Variants in NDUFA10 observed in about 807,000 individuals in gnomAD.
The protein encoded by NDUFA10 is NADH dehydrogenase [ubiquinone] 1 alpha subcomplex subunit 10, mitochondrial.
NDUFA10 carries 40 observed loss-of-function variants against 47.8 expected under a neutral mutation model. The ratio of observed to expected loss-of-function variants is 0.84; its 90% CI spans 0.65 to 1.09. The LOEUF (loss-of-function observed/expected upper bound fraction) is 1.09, where lower values mean the gene tolerates loss of function less well. Ranked by LOEUF, NDUFA10 falls within the 50% of genes least tolerant of loss-of-function variation. NDUFA10 has a pLI of 0.00. For synonymous variants in NDUFA10, 183 were observed against 172.2 expected, an observed-to-expected ratio of 1.06 and a Z score of -0.49; for missense variants, 413 against 451.1, an observed-to-expected ratio of 0.92 and a Z score of 0.76.
chr2:239,951,336 G>A (rs1694548494), intron 4 of NDUFA10, among the ~76,000 whole-genome samples: 1 of 152,258 alleles, frequency 6.6e-6, no homozygotes, highest in Non-Finnish European at 1.5e-5. Flanking sequence ...GTGGGTTACA[G>A]AGGACAGCAG....
At chr2:239,923,925 A>G (rs902154537) in intron 4 of NDUFA10, among the ~76,000 whole-genome samples, 7 of 152,150 alleles carry the variant, frequency 4.6e-5, no homozygotes, top group Admixed American at 4.6e-4. Context: ...TGATATTACT[A>G]CAGACCCTGC....
In NDUFA10 at chr2:240,021,471, C is replaced by T. The variant is rs185460693; in HGVS notation, c.245-59G>A. The stretch of plus-strand genomic sequence containing the variant: ...CACATCACTCACTCCCCGCAGGGAG[C>T]AGTGGGGACTAGCCAAAACACACAG... On this transcript the variant is annotated intron_variant, in intron 2 of 9. Coordinates refer to ENST00000252711, the MANE Select transcript of NDUFA10 (RefSeq NM_004544.4). 2.7e-4 allele frequency: 404 copies of T among 1,489,906 alleles called. No homozygotes were observed. The African/African-American group carries it at 4.8e-3, about 18-fold the overall frequency. The allele number at this position is 1,489,906 out of a possible 1,614,324, so 92.3% of individuals were successfully genotyped here.
At chr2:239,983,930 T>A (rs188087445) in intron 9 of NDUFA10, among the ~76,000 whole-genome samples, 1 of 152,166 alleles carries the variant, frequency 6.6e-6, no homozygotes, top group Non-Finnish European at 1.5e-5. Context: ...ATTCAAAGTG[T>A]GGGCTTTAGT....
At chr2:239,976,424 GC>G (rs201037564) in intron 9 of NDUFA10, 9 of 151,640 alleles carry the variant, frequency 5.9e-5, no homozygotes, top group East Asian at 1.9e-4. Flanking sequence ...TCCCTCAACT[GC>G]CCCCCCCAAG....
intron 8 of NDUFA10, among the ~76,000 whole-genome samples, chr2:239,992,841 T>C (rs546362127): frequency 2.6e-5 from 4 of 152,316 alleles, no homozygotes; most frequent in African/African-American, 9.6e-5. Context: ...GTAACTGAGA[T>C]GGTGCAGAAA....
At chr2:239,981,197 T>C (rs1695759140) in intron 9 of NDUFA10, among the ~76,000 whole-genome samples, 1 of 152,198 alleles carries the variant, frequency 6.6e-6, no homozygotes, top group Admixed American at 6.5e-5. Flanking sequence ...AAGCTTACCT[T>C]GGCATCCTGT....
intron 9 of NDUFA10, among the ~76,000 whole-genome samples, chr2:239,976,303 G>A (rs62184572): frequency 1.8e-4 from 27 of 152,092 alleles, no homozygotes; most frequent in African/African-American, 4.8e-4. Context: ...GACCCTGTGC[G>A]ATCTCGCCCC....
At chr2:239,912,954 G>A (rs764474003) in intron 4 of NDUFA10, among the ~76,000 whole-genome samples, 1 of 152,204 alleles carries the variant, frequency 6.6e-6, no homozygotes, top group Admixed American at 6.5e-5. Flanking sequence ...CCAGCTGCCC[G>A]AGTCAACATG....
chr2:239,956,107 C>T (rs1694647110), downstream of NDUFA10, among the ~76,000 whole-genome samples: 1 of 152,174 alleles, frequency 6.6e-6, no homozygotes, highest in Admixed American at 6.5e-5. Context: ...CCGGTACACC[C>T]ATCACTGACT....
intron 9 of NDUFA10, among the ~76,000 whole-genome samples, chr2:239,988,155 T>C (rs1408980341): frequency 2.0e-5 from 3 of 152,162 alleles, no homozygotes; most frequent in South Asian, 2.1e-4. Context: ...GGTATCCATA[T>C]TGAATATAAA....
At chr2:239,972,887 T>C (rs1007065671) in intron 9 of NDUFA10, among the ~76,000 whole-genome samples, 2 of 152,212 alleles carry the variant, frequency 1.3e-5, no homozygotes, top group East Asian at 1.9e-4. Flanking sequence ...AATACAATCA[T>C]ATGTAACACA....
At position 239,959,954 on chromosome 2, in the gene NDUFA10, A is replaced by G. The variant is rs576867152; in HGVS notation, c.*1164T>C. The G allele has an allele frequency of 1.4e-4, 136 of 985,408 alleles. No homozygotes were observed. The highest frequency in any genetic ancestry group is 1.6e-4 in the Non-Finnish European group (132 of 829,964). The allele number at this position is 985,408 out of a possible 1,614,324, so 61.0% of individuals were successfully genotyped here. ...GTAGAGCTTCCGCGGGGAGCAGAGCATCGTCCTCTGCACCAGCACTGGAAC... is the reference window on the plus strand; with the variant it reads ...GTAGAGCTTCCGCGGGGAGCAGAGCGTCGTCCTCTGCACCAGCACTGGAAC... On this transcript the variant is annotated 3_prime_UTR_variant, in exon 10 of 10. Coordinates refer to ENST00000252711, the MANE Select transcript of NDUFA10 (RefSeq NM_004544.4).
intron 9 of NDUFA10, among the ~76,000 whole-genome samples, chr2:239,980,500 T>TA (rs1184176735): frequency 6.6e-6 from 1 of 152,188 alleles, no homozygotes; most frequent in African/African-American, 2.4e-5. Flanking sequence ...GTTCATTGGG[T>TA]AAATACCTAT....
chr2:239,962,794 T>C (rs558913093), intron 9 of NDUFA10, among the ~76,000 whole-genome samples: 23 of 152,078 alleles, frequency 1.5e-4, no homozygotes, highest in African/African-American at 5.5e-4. Context: ...GTACGCCACA[T>C]AGTGGGAGTA....
intron 8 of NDUFA10, among the ~76,000 whole-genome samples, chr2:240,000,389 T>TAAC (rs201922996): frequency 6.6e-6 from 1 of 151,790 alleles, no homozygotes; most frequent in African/African-American, 2.4e-5. Context: ...GTATCTTAAC[T>TAAC]AACAACAACA....
chr2:239,986,395 G>C (rs1696003870), intron 9 of NDUFA10, among the ~76,000 whole-genome samples: 1 of 152,194 alleles, frequency 6.6e-6, no homozygotes, highest in African/African-American at 2.4e-5. Flanking sequence ...TGGGATTCCG[G>C]CAGGTAAATA....
rs1293337927 is a variant in NDUFA10 at position 239,945,357 on chromosome 2, G to A, written c.294+44717C>T. On this transcript the variant is annotated intron_variant, in intron 4 of 5. Coordinates refer to the NDUFA10 transcript ENST00000419408. The surrounding 1 kb of genome is among the most constrained non-coding windows in gnomAD (Gnocchi z 4.6). ...TTGCCCAAAGTCACGCTGCTGCTGA[G>A]TGGAGACAGGAAATCAGAGCCTCCT... Among the ~76,000 whole-genome samples the A allele has an allele frequency of 6.6e-6, 1 of 152,236 alleles. No homozygotes were observed. Among genetic ancestry groups the A allele is most frequent in the Non-Finnish European group, 1.5e-5 (1 of 68,040 alleles).
intron 4 of NDUFA10, among the ~76,000 whole-genome samples, chr2:240,017,027 A>AACT (rs1408006144): frequency 2.6e-5 from 4 of 151,912 alleles, no homozygotes; most frequent in African/African-American, 4.8e-5. Context: ...CCTGAGCGGC[A>AACT]ACTCCCACTG....
Position 239,957,409 on chromosome 2 carries a change from G to T in NDUFA10, c.*3709C>A, listed in dbSNP as rs1694684777. ...CATGTTTATTCAATGAAACTACATA[G>T]CACTAAAATGAGAGCTTCCCAAAAT... On this transcript the variant is annotated 3_prime_UTR_variant, in exon 10 of 10. Coordinates refer to ENST00000252711, the MANE Select transcript of NDUFA10 (RefSeq NM_004544.4). 6.6e-6 allele frequency: 1 copy of T among 152,162 alleles called. No homozygotes were observed. The highest frequency in any genetic ancestry group is 1.5e-5 in the Non-Finnish European group (1 of 68,020). The allele number at this position is 152,162 out of a possible 1,614,324, so 9.4% of individuals were successfully genotyped here.
Sources: gnomAD v4.1 joint callset for allele counts (sites outside exome capture counted in the v4.1 genomes callset) on GRCh38, gnomAD v4.1.1 for gene constraint, Gnocchi (gnomAD v3.1) non-coding constraint, MANE v1.5 for transcripts, NCBI Gene and HGNC (gene_info 2026-07-23, HGNC 2026-07-21) for gene names.